The following NXN variants were observed in gnomAD, a reference collection of about 807,000 sequenced individuals.
NXN encodes nucleoredoxin, also known as nucleoredoxin 1.
In NXN, 16 loss-of-function variants were observed where a neutral mutation model predicts 48.6. The ratio of observed to expected loss-of-function variants is 0.33; its 90% CI spans 0.22 to 0.50. The LOEUF (loss-of-function observed/expected upper bound fraction) is 0.50. NXN is among the 20% of genes least tolerant of loss of function. The pLI, the probability that NXN is intolerant of heterozygous loss-of-function variation, is 0.98. For synonymous variants in NXN, 281 were observed against 269.6 expected (o/e 1.04, Z -0.41); for missense variants, 492 against 605.5 (o/e 0.81, Z 1.97).
intron 6 of NXN, 23 bp downstream of exon 6, chr17:805,045 C>T: frequency 1.9e-6 from 3 of 1,550,378 alleles, no homozygotes; most frequent in Non-Finnish European, 2.6e-6. Flanking sequence ...ACCCCTCGCC[C>T]CCTGCCCCCG....
intron 1 of NXN, among the ~76,000 whole-genome samples, chr17:949,696 CCTGCCTCCTCCTCTCCCTG>C (rs1416681092): frequency 2.2e-4 from 27 of 121,574 alleles, no homozygotes; most frequent in Admixed American, 9.6e-4. Flanking sequence ...TCCTCTCCCC[CCTGCCTCCTCCTCTCCCTG>C]CTGCCTCCTC....
chr17:919,056 C>T lies in NXN; in HGVS notation c.360+60263G>A, dbSNP rs922922113. Among the ~76,000 whole-genome samples, 2 of 150,384 alleles carry T rather than the reference C, an allele frequency of 1.3e-5. No individual in the cohort carries two copies. Among genetic ancestry groups the T allele is most frequent in the African/African-American group, 4.9e-5 (2 of 40,486 alleles). ...CTCCAGCCTGGGCAACAGAGTAAGA[C>T]CCTATTGCTTTAAAAAAAAAAAATG... On this transcript the variant is annotated intron_variant, in intron 1 of 7. Transcript: ENST00000336868. The surrounding 1 kb of genome is among the most constrained non-coding windows in gnomAD (Gnocchi z 5.1).
Position 917,290 on chromosome 17 carries a change from C to T in NXN, c.360+62029G>A, listed in dbSNP as rs565136087. 3.0e-4 allele frequency among the ~76,000 whole-genome samples: 45 copies of T among 152,308 alleles called. No homozygotes were observed. The highest frequency in any genetic ancestry group is 3.4e-3 in the Middle Eastern group (1 of 294). ...CCGAGCAGCTGGGACTACAGGCGCC[C>T]GCCACCATGCCCAGCTAATTTTTTG... On this transcript the variant is annotated intron_variant, in intron 1 of 7. Coordinates refer to ENST00000336868, the MANE Select transcript of NXN (RefSeq NM_022463.5). This position sits in a 1 kb window ranked among gnomAD's most constrained non-coding sequence, Gnocchi z 4.5.
At chr17:806,188 C>A (rs954933570) in intron 5 of NXN, among the ~76,000 whole-genome samples, 8 of 70,914 alleles carry the variant, frequency 1.1e-4, no homozygotes, top group African/African-American at 5.0e-4. Flanking sequence ...AGCACAACCC[C>A]CTCCCCAGGG....
At chr17:910,371 C>T (rs1380649663) in intron 1 of NXN, among the ~76,000 whole-genome samples, 4 of 151,286 alleles carry the variant, frequency 2.6e-5, no homozygotes, top group Admixed American at 1.3e-4. Context: ...GAGATCGCGC[C>T]GCTGCACTCC....
chr17:979,037 T>C (rs1334960166), intron 1 of NXN, among the ~76,000 whole-genome samples: 2 of 143,104 alleles, frequency 1.4e-5, no homozygotes, highest in Non-Finnish European at 3.0e-5. Context: ...GGTCCAACTT[T>C]CCAGGGCGGG....
rs370476853 is a variant in NXN, at chr17:812,200, T to G, written c.821-6953A>C. Reference sequence around the variant, plus strand: ...CCTCGGCCTCCCAAAGTGCTGGGATTACAGGCGTGAGCCACTGCGCGTGGC... The same window carrying G: ...CCTCGGCCTCCCAAAGTGCTGGGATGACAGGCGTGAGCCACTGCGCGTGGC... On this transcript the variant is annotated intron_variant, in intron 5 of 7. Transcript: ENST00000336868. Among the ~76,000 whole-genome samples, 94 of 152,184 alleles carry G rather than the reference T, an allele frequency of 6.2e-4. No individual in the cohort carries two copies. In the Middle Eastern group the frequency reaches 0.01, roughly 17 times the overall value.
intron 1 of NXN, among the ~76,000 whole-genome samples, chr17:889,749 A>AACAAACAAAGAAAG (rs1555619023): frequency 3.4e-5 from 1 of 29,512 alleles, no homozygotes; most frequent in African/African-American, 1.4e-4. Flanking sequence ...GAAAGAAAGA[A>AACAAACAAAGAAAG]AGAAAGAAAG....
chr17:833,572 CACAG>C (rs1246109076), intron 1 of NXN, among the ~76,000 whole-genome samples: 1 of 152,094 alleles, frequency 6.6e-6, no homozygotes, highest in Non-Finnish European at 1.5e-5. Flanking sequence ...ATTTTTGGGT[CACAG>C]ACAGTTTTGA....
intron 1 of NXN, among the ~76,000 whole-genome samples, chr17:963,703 T>C (rs1296925309): frequency 6.6e-6 from 1 of 152,210 alleles, no homozygotes; most frequent in East Asian, 1.9e-4. Flanking sequence ...AGTATATGCC[T>C]ATTCTTTTTC....
intron 1 of NXN, among the ~76,000 whole-genome samples, chr17:938,690 CAA>C (rs1009128236): frequency 2.4e-4 from 36 of 149,998 alleles, no homozygotes; most frequent in African/African-American, 8.8e-4. Flanking sequence ...TCTCAAAAAA[CAA>C]AACAAAAAAC....
chr17:820,992 GC>G (rs1360611035), intron 4 of NXN, among the ~76,000 whole-genome samples: 1 of 73,458 alleles, frequency 1.4e-5, no homozygotes, highest in Non-Finnish European at 2.5e-5. Flanking sequence ...TGAGACGGGA[GC>G]TGTGGCATGG....
intron 1 of NXN, among the ~76,000 whole-genome samples, chr17:887,947 C>T (rs562359235): frequency 2.0e-5 from 3 of 151,888 alleles, no homozygotes; most frequent in African/African-American, 7.2e-5. Flanking sequence ...CAAAGCAAGT[C>T]CACCAGACCT....
At chr17:882,903 C>G (rs2068301508) in intron 1 of NXN, among the ~76,000 whole-genome samples, 1 of 152,180 alleles carries the variant, frequency 6.6e-6, no homozygotes, top group Non-Finnish European at 1.5e-5. Flanking sequence ...GCTGGAATTA[C>G]AGGCGCCCGC....
At chr17:962,673 T>C (rs562398760) in intron 1 of NXN, among the ~76,000 whole-genome samples, 44 of 152,288 alleles carry the variant, frequency 2.9e-4, no homozygotes, top group African/African-American at 1.0e-3. Flanking sequence ...AAAAAATCTA[T>C]ATTAAATACA....
chr17:911,803 T>C (rs1449009365), intron 1 of NXN, among the ~76,000 whole-genome samples: 1 of 150,800 alleles, frequency 6.6e-6, no homozygotes, highest in African/African-American at 2.4e-5. Flanking sequence ...CAAAGTTTCA[T>C]AGTTTTCTCC....
At chr17:933,780 G>A (rs2068878088) in intron 1 of NXN, among the ~76,000 whole-genome samples, 3 of 151,984 alleles carry the variant, frequency 2.0e-5, no homozygotes, top group Admixed American at 2.0e-4. Context: ...AAGCCTACGT[G>A]GTCAACTTTA....
At chr17:855,444 C>A (rs1279337730) in intron 1 of NXN, among the ~76,000 whole-genome samples, 3 of 152,162 alleles carry the variant, frequency 2.0e-5, no homozygotes, top group African/African-American at 7.2e-5. Flanking sequence ...ATCTTCTTTG[C>A]GGCTAGTAAA....
At chr17:909,195 C>T (rs1334760652) in intron 1 of NXN, among the ~76,000 whole-genome samples, 2 of 149,828 alleles carry the variant, frequency 1.3e-5, no homozygotes, top group African/African-American at 4.9e-5. Flanking sequence ...TTTTAAGTGA[C>T]AGAATAATGA....
Sources: allele counts gnomAD v4.1 joint callset (sites outside exome capture counted in the v4.1 genomes callset), GRCh38; gene constraint gnomAD v4.1.1; non-coding constraint Gnocchi (gnomAD v3.1); transcripts MANE v1.5; gene names NCBI Gene and HGNC (gene_info 2026-07-23, HGNC 2026-07-21).